Variants in CTDP1 observed in about 807,000 individuals in gnomAD.
CTDP1 encodes CTD phosphatase 1, also known as RNA polymerase II subunit A C-terminal domain phosphatase.
A neutral mutation model predicts 91.8 loss-of-function variants in CTDP1; 47 were observed. That is an observed-to-expected ratio of 0.51 (90% confidence interval 0.41 to 0.65). The LOEUF (loss-of-function observed/expected upper bound fraction) is 0.65, where lower values mean the gene tolerates loss of function less well. CTDP1 is among the 30% of genes least tolerant of loss of function. The pLI, the probability that CTDP1 is intolerant of heterozygous loss-of-function variation, is 0.00. For missense variants in CTDP1, 1,272 were observed against 1,373.7 expected, an observed-to-expected ratio of 0.93 and a Z score of 1.17; for synonymous variants, 656 against 598.5, an observed-to-expected ratio of 1.10 and a Z score of -1.40.
chr18:79,730,728 G>A (rs548232430), intron 11 of CTDP1, among the ~76,000 whole-genome samples: 101 of 152,304 alleles, frequency 6.6e-4, no homozygotes, highest in African/African-American at 2.3e-3. Flanking sequence ...GACAATCAGC[G>A]CCTGCAGGCA....
At chr18:79,700,948 C>T (rs1488529185) in intron 4 of CTDP1, among the ~76,000 whole-genome samples, 1 of 152,202 alleles carries the variant, frequency 6.6e-6, no homozygotes, top group Non-Finnish European at 1.5e-5. Context: ...GCCTGTGCTC[C>T]ATCCATGGAA....
rs140627086 is a variant in CTDP1 at position 79,717,873 on chromosome 18, G to A, written c.2274G>A (p.Pro758=). ...EGVPPTALFH[P]MPVLPKAQPG... ...TGCCCCCCACCGCCTTGTTCCACCC[G>A]ATGCCGGTTCTTCCCAAGGCCCAGC... is the stretch of plus-strand genomic sequence containing the variant. The change falls in exon 10 of 13, where the codon CCG becomes CCA. Residue 758 remains proline, a synonymous_variant. Transcript: ENST00000613122. 5.1e-3 allele frequency: 8,205 copies of A among 1,613,568 alleles called. 27 individuals carry two copies. The highest frequency in any genetic ancestry group is 6.1e-3 in the Non-Finnish European group (7,234 of 1,179,982).
Position 79,714,918 on chromosome 18 carries a change from G to A in CTDP1, c.1458G>A (p.Lys486=), listed in dbSNP as rs1201625277. ...GCGAGGGGAAAAGAGGCCGGCAGAA[G>A]CCGAAGGCTGCCCCAGAGGGAGCCG... ...GESEGKRGRQ[K]PKAAPEGAGA... is the part of the protein sequence containing the mutation. Residue 486 remains lysine (K), a synonymous_variant, in exon 8 of 13, where the codon AAG becomes AAA. Coordinates refer to ENST00000613122, the MANE Select transcript of CTDP1 (RefSeq NM_004715.5). 1 of 1,565,354 alleles carries A rather than the reference G, an allele frequency of 6.4e-7. No homozygotes were observed. The highest frequency in any genetic ancestry group is 1.9e-5 in the Admixed American group (1 of 51,838).
chr18:79,709,583 T>G (rs2086038345), intron 5 of CTDP1, among the ~76,000 whole-genome samples: 1 of 152,240 alleles, frequency 6.6e-6, no homozygotes, highest in Non-Finnish European at 1.5e-5. Context: ...GACTTGTAAT[T>G]AACGGATGTC....
chr18:79,737,134 A>G (rs1016277226), intron 12 of CTDP1, among the ~76,000 whole-genome samples: 3 of 152,228 alleles, frequency 2.0e-5, no homozygotes, highest in Non-Finnish European at 4.4e-5. Context: ...TTCGCCATGA[A>G]TGAGGCCTGT....
chr18:79,689,344 C>T (rs645057), intron 1 of CTDP1, among the ~76,000 whole-genome samples: 87,375 of 152,000 alleles, frequency 0.57, 25,243 homozygotes, highest in Middle Eastern at 0.67. Context: ...TTTGTTACCA[C>T]ATAAATACAT....
intron 10 of CTDP1, among the ~76,000 whole-genome samples, chr18:79,722,565 G>A (rs866634523): frequency 6.8e-6 from 1 of 147,804 alleles, no homozygotes; most frequent in Admixed American, 6.6e-5. Flanking sequence ...AAGCAGCGTT[G>A]TTGTGGCTGC....
In CTDP1 at chr18:79,742,830, C is replaced by T. The variant is rs547486417; in HGVS notation, c.2747+6309C>T. On this transcript the variant is annotated intron_variant, in intron 12 of 12. Coordinates refer to ENST00000613122, the MANE Select transcript of CTDP1 (RefSeq NM_004715.5). ...AAAATTAGCTGGGCATGGTGGTGCA[C>T]GCCTGTAATTTCAGCTACTCAGGAG... Among the ~76,000 whole-genome samples, 16 of 152,204 alleles carry T rather than the reference C, an allele frequency of 1.1e-4. No individual in the cohort carries two copies. In the East Asian group the frequency reaches 2.3e-3, roughly 22 times the overall value.
chr18:79,708,988 T>C (rs184567294), intron 5 of CTDP1, among the ~76,000 whole-genome samples: 5 of 152,392 alleles, frequency 3.3e-5, no homozygotes, highest in Non-Finnish European at 5.9e-5. Context: ...ATGGAATACC[T>C]ATCTCTTGAG....
rs773856315 is a variant in CTDP1 at position 79,715,098 on chromosome 18, C to T, written c.1638C>T (p.Asn546=). The T allele has an allele frequency of 6.2e-5, 100 of 1,612,976 alleles. No individual in the cohort carries two copies. The highest frequency in any genetic ancestry group is 1.6e-4 in the Middle Eastern group (1 of 6,084). Residue 546 remains asparagine (N), a synonymous_variant, in exon 8 of 13, where the codon AAC becomes AAT. Transcript: ENST00000613122. ...GERDGLCGLG[N]GCADRKEAET... Reference sequence around the variant, plus strand: ...GGGATGGCCTCTGCGGCCTGGGCAACGGCTGTGCCGACAGGAAGGAGGCGG... The same window carrying T: ...GGGATGGCCTCTGCGGCCTGGGCAATGGCTGTGCCGACAGGAAGGAGGCGG...
At position 79,715,506 on chromosome 18, in the gene CTDP1, G is replaced by C. The variant is rs756882272; in HGVS notation, c.2046G>C (p.Thr682=). The C allele has an allele frequency of 1.3e-6, 2 of 1,563,034 alleles. No individual in the cohort carries two copies. Among genetic ancestry groups the C allele is most frequent in the Non-Finnish European group, 1.7e-6 (2 of 1,157,146 alleles). The change falls in exon 8 of 13, where the codon ACG becomes ACC. Residue 682 remains threonine, a synonymous_variant. Transcript: ENST00000613122. The part of the protein sequence containing the change: ...VLSPDAPDRA[T]HLIAARAGTE... ...GCCCCGACGCCCCTGACAGGGCCAC[G>C]CACCTGATCGCCGCGCGAGCTGGTG...
chr18:79,745,302 G>T (rs542247839), intron 12 of CTDP1, among the ~76,000 whole-genome samples: 207 of 123,432 alleles, frequency 1.7e-3, no homozygotes, highest in African/African-American at 6.4e-3. Context: ...CGTCCCTCCC[G>T]TGCGCGTTCT....
chr18:79,706,799 C>T (rs562535843), intron 5 of CTDP1, among the ~76,000 whole-genome samples: 6 of 152,372 alleles, frequency 3.9e-5, no homozygotes, highest in African/African-American at 1.4e-4. Flanking sequence ...GAGGACTGCA[C>T]GCCGCATGGC....
upstream of CTDP1, chr18:79,678,629 G>C (rs956759307): frequency 6.6e-6 from 1 of 152,026 alleles, no homozygotes; most frequent in Non-Finnish European, 1.5e-5. Flanking sequence ...CCTAACATGA[G>C]AAAAGTCACC....
At chr18:79,709,251 T>C (rs2086031386) in intron 5 of CTDP1, among the ~76,000 whole-genome samples, 2 of 152,242 alleles carry the variant, frequency 1.3e-5, no homozygotes, top group African/African-American at 4.8e-5. Flanking sequence ...TCTGTGGTTC[T>C]TGTAAACTAA....
intron 11 of CTDP1, among the ~76,000 whole-genome samples, chr18:79,730,133 TG>T (rs2086536383): frequency 6.6e-6 from 1 of 152,260 alleles, no homozygotes; most frequent in Non-Finnish European, 1.5e-5. Flanking sequence ...GACCCTTTTT[TG>T]AGGTGTGCTG....
At chr18:79,679,109 C>T (rs1033106715), upstream of CTDP1, 1 of 283,380 alleles carries the variant, frequency 3.5e-6, no homozygotes, top group African/African-American at 2.4e-5. Flanking sequence ...CCGGTGCCCG[C>T]CCTCCCGCTG....
At chr18:79,743,481 G>A (rs111599358) in intron 12 of CTDP1, among the ~76,000 whole-genome samples, 16 of 142,542 alleles carry the variant, frequency 1.1e-4, no homozygotes, top group Middle Eastern at 4.3e-3. Flanking sequence ...AGCCGAGATC[G>A]TGCCACTACA....
rs895562094 is a variant in CTDP1 at position 79,704,722 on chromosome 18, G to T, written c.622-45G>T. 3.1e-6 allele frequency: 5 copies of T among 1,610,236 alleles called. No individual in the cohort carries two copies. In the African/African-American group the frequency reaches 5.3e-5, roughly 17 times the overall value. On this transcript the variant is annotated intron_variant, in intron 4 of 12. Coordinates refer to ENST00000613122, the MANE Select transcript of CTDP1 (RefSeq NM_004715.5). ...CACACAGGTTGCGGGGGCGGCCGGGGCTCCTCAGGCCTTTTCTCCCGACTG... is the reference window on the plus strand; with the variant it reads ...CACACAGGTTGCGGGGGCGGCCGGGTCTCCTCAGGCCTTTTCTCCCGACTG...
Sources: gnomAD v4.1 joint callset for allele counts (sites outside exome capture counted in the v4.1 genomes callset) on GRCh38, gnomAD v4.1.1 for gene constraint, MANE v1.5 for transcripts, NCBI Gene and HGNC (gene_info 2026-07-23, HGNC 2026-07-21) for gene names.